Variants in PLCH2 observed in about 807,000 individuals in gnomAD.
The protein encoded by PLCH2 is phospholipase C eta 2.
A neutral mutation model predicts 134.7 loss-of-function variants in PLCH2; 98 were observed. That is an observed-to-expected ratio of 0.73 (90% CI 0.62 to 0.86). The LOEUF is 0.86. Ranked by LOEUF, PLCH2 falls within the 40% of genes least tolerant of loss-of-function variation. The pLI, the probability that PLCH2 is intolerant of heterozygous loss-of-function variation, is 0.00. For synonymous variants in PLCH2, 974 were observed against 827.5 expected, an observed-to-expected ratio of 1.18 and a Z score of -3.04; for missense variants, 1,994 against 1,986.6, an observed-to-expected ratio of 1.00 and a Z score of -0.07.
intron 11 of PLCH2, chr1:2,494,528 T>TG (rs1642767770): frequency 2.3e-6 from 1 of 436,244 alleles, no homozygotes; most frequent in Non-Finnish European, 4.2e-6. Context: ...TCACCACTGG[T>TG]GGGAAAAAAG....
At position 2,433,471 on chromosome 1, in the gene PLCH2, A is replaced by G. The variant is rs541477247; in HGVS notation, c.115+2842A>G. On this transcript the variant is annotated intron_variant, in intron 2 of 3. Transcript: ENST00000609981. Reference sequence around the variant, plus strand: ...GGCTCTTGGGGTTCAGGGCTGCTGGAGTATGTGTCCCCGCCATTCTCACTG... The same window carrying G: ...GGCTCTTGGGGTTCAGGGCTGCTGGGGTATGTGTCCCCGCCATTCTCACTG... Among the ~76,000 whole-genome samples the G allele has an allele frequency of 7.7e-3, 1,164 of 150,382 alleles. 19 individuals are homozygous for G. Among genetic ancestry groups the G allele is most frequent in the African/African-American group, 0.028 (1,122 of 40,672 alleles).
Position 2,505,102 on chromosome 1 carries a change from G to T in PLCH2, c.4140G>T (p.Glu1380Asp). 6.5e-7 allele frequency: 1 copy of T among 1,541,932 alleles called. No individual in the cohort carries two copies. The change falls in exon 22 of 22, where the codon GAG becomes GAT. Residue 1380 changes from glutamate (E) to aspartate (D), a missense_variant. Physicochemically the swap from Glu to Asp is conservative, Grantham distance 45. Coordinates refer to ENST00000378486, the MANE Select transcript of PLCH2 (RefSeq NM_014638.4). The stretch of plus-strand genomic sequence containing the variant: ...CAGAAGAGGAGCGGGGCACCCCCGA[G>T]GGCGCCTGCTCCGTGGGCCACGAGG... The part of the protein sequence containing the change: ...GPPEEERGTP[E>D]GACSVGHEGS...
Position 2,505,051 on chromosome 1 carries a change from G to T in PLCH2, c.4089G>T (p.Leu1363=). 3 of 1,541,696 alleles carry T rather than the reference G, an allele frequency of 1.9e-6. No homozygotes were observed. The highest frequency in any genetic ancestry group is 2.4e-5 in the South Asian group (2 of 84,564). Residue 1363 remains leucine (L), a synonymous_variant, in exon 22 of 22, where the codon CTG becomes CTT. Transcript: ENST00000378486. ...ARQAQERQQR[L]QGLGRQGPPE... is the part of the protein sequence containing the mutation. ...AGGCCCAGGAGCGGCAGCAGAGACT[G>T]CAGGGCCTGGGCCGGCAGGGACCCC...
chr1:2,466,098 C>T (rs1235837502), upstream of PLCH2, among the ~76,000 whole-genome samples: 4 of 152,182 alleles, frequency 2.6e-5, no homozygotes, highest in Non-Finnish European at 4.4e-5. Context: ...CTCTGGCACA[C>T]GTGCACTGCA....
chr1:2,433,916 G>T (rs540577145), intron 2 of PLCH2, among the ~76,000 whole-genome samples: 1 of 152,342 alleles, frequency 6.6e-6, no homozygotes, highest in East Asian at 1.9e-4. Flanking sequence ...CCCTTCAAAC[G>T]TTTGAATTTT....
intron 18 of PLCH2, 52 bp from the exon 19 acceptor site, chr1:2,499,032 T>C: frequency 1.3e-6 from 2 of 1,574,300 alleles, no homozygotes; most frequent in South Asian, 1.2e-5. Context: ...GCTGGAGCGG[T>C]GCTGGGCCGG....
At chr1:2,470,532 C>T (rs984459126) in intron 1 of PLCH2, among the ~76,000 whole-genome samples, 10 of 152,122 alleles carry the variant, frequency 6.6e-5, no homozygotes, top group African/African-American at 2.2e-4. Context: ...GGCAGTGGCC[C>T]GGGGTGCTCT....
intron 1 of PLCH2, among the ~76,000 whole-genome samples, chr1:2,426,272 G>C (rs972711373): frequency 6.6e-6 from 1 of 152,234 alleles, no homozygotes; most frequent in Non-Finnish European, 1.5e-5. Context: ...GAGGACCCCA[G>C]GGTTATGTGG....
chr1:2,481,408 G>A (rs2100658774), intron 4 of PLCH2, among the ~76,000 whole-genome samples: 1 of 152,346 alleles, frequency 6.6e-6, no homozygotes, highest in Admixed American at 6.5e-5. Context: ...CCTGCCTGGG[G>A]CCATCCCCAG....
chr1:2,499,023 C>T, intron 18 of PLCH2, 61 bp from the exon 19 acceptor site: 1 of 1,556,542 alleles, frequency 6.4e-7, no homozygotes, highest in Non-Finnish European at 8.7e-7. Flanking sequence ...GGGCTCCAGG[C>T]TGGAGCGGTG....
chr1:2,432,593 C>T (rs775284649), intron 2 of PLCH2, among the ~76,000 whole-genome samples: 53 of 152,322 alleles, frequency 3.5e-4, no homozygotes, highest in Non-Finnish European at 5.6e-4. Context: ...GGTGTGCACC[C>T]GGCCCCCACA....
In PLCH2 at chr1:2,459,570, C is replaced by T. The variant is rs61763915; in HGVS notation, c.116-18906C>T. On this transcript the variant is annotated intron_variant, in intron 2 of 3. Transcript: ENST00000609981. ...CCTCCTTCCTGGTGGTCCTCCTTGCCGGTGGTCCTCCTTGCCGGTGGTCTT... is the reference window on the plus strand; with the variant it reads ...CCTCCTTCCTGGTGGTCCTCCTTGCTGGTGGTCCTCCTTGCCGGTGGTCTT... Among the ~76,000 whole-genome samples, 50 of 114,488 alleles carry T rather than the reference C, an allele frequency of 4.4e-4. 3 individuals carry two copies. The highest frequency in any genetic ancestry group is 7.6e-4 in the African/African-American group (19 of 24,986). The allele number at this position is 114,488 out of a possible 152,430, so 75.1% of individuals were successfully genotyped here.
chr1:2,494,970 A>G, intron 12 of PLCH2, 22 bp downstream of exon 12: 2 of 1,533,422 alleles, frequency 1.3e-6, no homozygotes, highest in Non-Finnish European at 8.8e-7. Context: ...CTCCCAGGCC[A>G]GGGTCCCGGT....
At chr1:2,420,449 A>G in the PLCH2 span, among the ~76,000 whole-genome samples, 1 of 152,108 alleles carries the variant, frequency 6.6e-6, no homozygotes, top group African/African-American at 2.4e-5. Context: ...GCGGATCCAC[A>G]GTGGGATGCG....
chr1:2,491,940 C>G (rs1360559121), intron 11 of PLCH2, among the ~76,000 whole-genome samples: 1 of 151,760 alleles, frequency 6.6e-6, no homozygotes, highest in Non-Finnish European at 1.5e-5. Flanking sequence ...GGAGCTGTGG[C>G]CGGCAGATCC....
rs771867177 is a variant in PLCH2 at position 2,502,304 on chromosome 1, C to G, written c.2854C>G (p.Arg952Gly). ...RGFPELVLGT[R>G]DTGSKGVADD... ...CTTCCCGGAGCTGGTCCTGGGTACA[C>G]GGGACACAGGCTCCAAGGGGGTGGC... The change falls in exon 21 of 22, where the codon CGG (arginine) becomes GGG (glycine). Residue 952 changes from arginine (R) to glycine (G), a missense_variant. This residue lies in a region of PLCH2 where 900 missense variants were observed against 752.3 expected (regional missense o/e 1.20). Coordinates refer to ENST00000378486, the MANE Select transcript of PLCH2 (RefSeq NM_014638.4). 3.3e-6 allele frequency: 5 copies of G among 1,535,914 alleles called. No individual in the cohort carries two copies. The highest frequency in any genetic ancestry group is 4.4e-6 in the Non-Finnish European group (5 of 1,141,836).
In PLCH2 at chr1:2,505,064, C is replaced by T. The variant is rs959939799; in HGVS notation, c.4102C>T (p.Arg1368Trp). 5 of 1,538,354 alleles carry T rather than the reference C, an allele frequency of 3.3e-6. No individual in the cohort carries two copies. Among genetic ancestry groups the T allele is most frequent in the South Asian group, 2.4e-5 (2 of 84,294 alleles). ...ERQQRLQGLGRQGPPEEERGT... is the reference protein window; with the variant it reads ...ERQQRLQGLGWQGPPEEERGT... ...GCAGCAGAGACTGCAGGGCCTGGGC[C>T]GGCAGGGACCCCCAGAAGAGGAGCG... The change falls in exon 22 of 22, where the codon CGG (arginine) becomes TGG (tryptophan). Residue 1368 changes from arginine to tryptophan, a missense_variant. Transcript: ENST00000378486.
At position 2,487,354 on chromosome 1, in the gene PLCH2, G is replaced by T; in HGVS notation, c.1092G>T (p.Gln364His). The T allele has an allele frequency of 6.2e-7, 1 of 1,613,378 alleles. No individual in the cohort carries two copies. Among genetic ancestry groups the T allele is most frequent in the Non-Finnish European group, 8.5e-7 (1 of 1,179,814 alleles). ...SRVDMYAWVL[Q>H]AGCRCVEVDC... ...TGGACATGTATGCTTGGGTCCTGCA[G>T]GCTGGCTGCCGCTGCGTGGAGGGTA... is the stretch of plus-strand genomic sequence containing the variant. The change falls in exon 7 of 22, where the codon CAG (glutamine) becomes CAT (histidine). Residue 364 changes from glutamine (Q) to histidine (H), a missense_variant. Around this residue, in one of 2 missense-constraint regions of PLCH2, gnomAD observed 1,094 missense variants for 1,234.3 expected, o/e 0.89. Transcript: ENST00000378486.
At chr1:2,438,122 C>T (rs966031473) in intron 2 of PLCH2, among the ~76,000 whole-genome samples, 27 of 152,252 alleles carry the variant, frequency 1.8e-4, no homozygotes, top group Admixed American at 3.3e-4. Flanking sequence ...GGTCACACTG[C>T]GCTCCCAGCC....
Sources: gnomAD v4.1 joint callset for allele counts (sites outside exome capture counted in the v4.1 genomes callset) on GRCh38, gnomAD v4.1.1 for gene constraint, gnomAD v4.1.1 regional missense constraint, MANE v1.5 for transcripts, NCBI Gene and HGNC (gene_info 2026-07-23, HGNC 2026-07-21) for gene names.